Variants in PLGRKT observed in about 807,000 individuals in gnomAD.
PLGRKT encodes the protein plasminogen receptor with a C-terminal lysine.
Under a neutral mutation model 18.5 loss-of-function variants are expected in PLGRKT, and 22 were observed. The observed-to-expected ratio is 1.19, with a 90% CI of 0.85 to 1.70. The LOEUF (loss-of-function observed/expected upper bound fraction) is 1.70. PLGRKT is among the 40% of genes most tolerant of loss of function. The pLI is 0.00. For missense variants in PLGRKT, 235 were observed against 174.4 expected (o/e 1.35, Z -1.96); for synonymous variants, 72 against 52.8 (o/e 1.36, Z -1.58).
rs181726452 is a variant in PLGRKT, at chr9:5,420,130, G to A, written c.81+11767C>T. ...TGGAGGAAGCCAGACACAAAAGACT[G>A]CATATTCTATGATTTCATTTACAGA... On this transcript the variant is annotated intron_variant, in intron 3 of 5. Transcript: ENST00000223864. 1.5e-3 allele frequency among the ~76,000 whole-genome samples: 228 copies of A among 152,336 alleles called. 1 individual carries two copies. The highest frequency in any genetic ancestry group is 6.8e-3 in the Middle Eastern group (2 of 294).
chr9:5,406,704 T>G (rs1818264744), intron 3 of PLGRKT, among the ~76,000 whole-genome samples: 1 of 152,120 alleles, frequency 6.6e-6, no homozygotes, highest in Non-Finnish European at 1.5e-5. Context: ...CAAACCACCA[T>G]GGTACACGTT....
chr9:5,421,771 C>T (rs1396012546), intron 3 of PLGRKT, among the ~76,000 whole-genome samples: 1 of 152,182 alleles, frequency 6.6e-6, no homozygotes, highest in East Asian at 1.9e-4. Flanking sequence ...AAATGAGACA[C>T]AGGCAGGCTA....
Position 5,361,182 on chromosome 9 carries a change from A to C in PLGRKT, c.218T>G (p.Ile73Ser), listed in dbSNP as rs1292531899. 6.3e-6 allele frequency: 10 copies of C among 1,588,398 alleles called. No individual in the cohort carries two copies. The highest frequency in any genetic ancestry group is 8.6e-6 in the Non-Finnish European group (10 of 1,158,596). Residue 73 changes from isoleucine to serine, a missense_variant, in exon 5 of 6, where the codon ATT (isoleucine) becomes AGT (serine). Ile to Ser is a moderately radical substitution (Grantham distance 142). Coordinates refer to ENST00000223864, the MANE Select transcript of PLGRKT (RefSeq NM_018465.4). ...LAAISLTAGA[I>S]KKKKPAFLVP... is the part of the protein sequence containing the mutation. The stretch of plus-strand genomic sequence containing the variant: ...CAGGAAGGCTGGCTTCTTTTTTTTA[A>C]TCGCTCTGTTTCAAGAATTAAAAGA...
intron 3 of PLGRKT, among the ~76,000 whole-genome samples, chr9:5,431,302 G>C (rs746012572): frequency 5.3e-5 from 8 of 152,108 alleles, no homozygotes; most frequent in Non-Finnish European, 1.0e-4. Context: ...GGGAGGCTGA[G>C]GCCAGTAGAT....
intron 3 of PLGRKT, among the ~76,000 whole-genome samples, chr9:5,371,418 T>A (rs113712652): frequency 1.1e-4 from 17 of 152,232 alleles, no homozygotes; most frequent in African/African-American, 4.1e-4. Context: ...GGGGGCCAGT[T>A]TTTCCCATGC....
chr9:5,400,695 T>C (rs1818137776), intron 3 of PLGRKT, among the ~76,000 whole-genome samples: 1 of 152,040 alleles, frequency 6.6e-6, no homozygotes, highest in South Asian at 2.1e-4. Context: ...TTCATCTTTA[T>C]ATCCTCCTTG....
upstream of PLGRKT, chr9:5,438,004 C>T (rs962303237): frequency 2.0e-5 from 3 of 152,346 alleles, no homozygotes; most frequent in East Asian, 5.8e-4. Context: ...CCGGGCCAGG[C>T]TCAGTGTTAC....
At chr9:5,395,806 A>T (rs1818032914) in intron 3 of PLGRKT, among the ~76,000 whole-genome samples, 1 of 130,466 alleles carries the variant, frequency 7.7e-6, no homozygotes, top group Admixed American at 7.5e-5. Context: ...TCATGGAAAC[A>T]TTGACAAAAA....
At chr9:5,423,246 T>C (rs1818612049) in intron 3 of PLGRKT, among the ~76,000 whole-genome samples, 1 of 152,196 alleles carries the variant, frequency 6.6e-6, no homozygotes, top group Non-Finnish European at 1.5e-5. Flanking sequence ...GATTGTGCTG[T>C]TTACCAAAGT....
At chr9:5,371,809 T>C (rs1817522680) in intron 3 of PLGRKT, among the ~76,000 whole-genome samples, 1 of 151,986 alleles carries the variant, frequency 6.6e-6, no homozygotes, top group Admixed American at 6.6e-5. Flanking sequence ...TTCCTCATTT[T>C]AAAGAGTACA....
At chr9:5,367,053 A>ACG (rs1817407414) in intron 3 of PLGRKT, among the ~76,000 whole-genome samples, 1 of 149,900 alleles carries the variant, frequency 6.7e-6, no homozygotes, top group African/African-American at 2.4e-5. Context: ...ACACACACAC[A>ACG]CACACACACA....
At chr9:5,382,337 G>A (rs1420641315) in intron 3 of PLGRKT, among the ~76,000 whole-genome samples, 1 of 152,198 alleles carries the variant, frequency 6.6e-6, no homozygotes, top group Non-Finnish European at 1.5e-5. Flanking sequence ...TGGCAGGGCT[G>A]CCAGAGCTAG....
At chr9:5,367,778 A>G (rs1456438428) in intron 3 of PLGRKT, among the ~76,000 whole-genome samples, 2 of 152,152 alleles carry the variant, frequency 1.3e-5, no homozygotes, top group Non-Finnish European at 2.9e-5. Context: ...CCCAACAACA[A>G]CAAAACTATC....
chr9:5,367,851 C>T (rs961549004), intron 3 of PLGRKT, among the ~76,000 whole-genome samples: 1 of 152,056 alleles, frequency 6.6e-6, no homozygotes, highest in African/African-American at 2.4e-5. Context: ...TGACAAAGGT[C>T]TAGTATCCAG....
At chr9:5,385,653 G>A (rs764630054) in intron 3 of PLGRKT, among the ~76,000 whole-genome samples, 1 of 151,814 alleles carries the variant, frequency 6.6e-6, no homozygotes, top group Non-Finnish European at 1.5e-5. Context: ...GGTCTGCTGT[G>A]TGAAGTCTCA....
intron 3 of PLGRKT, among the ~76,000 whole-genome samples, chr9:5,419,662 G>A (rs926169034): frequency 6.6e-6 from 1 of 152,020 alleles, no homozygotes; most frequent in South Asian, 2.1e-4. Context: ...ACCAGAATGA[G>A]ATATATTTCA....
At chr9:5,375,178 T>A (rs931083626) in intron 3 of PLGRKT, among the ~76,000 whole-genome samples, 13 of 152,248 alleles carry the variant, frequency 8.5e-5, no homozygotes, top group African/African-American at 2.7e-4. Flanking sequence ...TAAGAAAAGA[T>A]GTACATTTTA....
At chr9:5,393,944 G>T (rs920177297) in intron 3 of PLGRKT, among the ~76,000 whole-genome samples, 8 of 151,760 alleles carry the variant, frequency 5.3e-5, no homozygotes, top group Admixed American at 2.6e-4. Flanking sequence ...CCAGATTTTT[G>T]ACCATCTGGG....
At chr9:5,385,819 A>G (rs953492944) in intron 3 of PLGRKT, among the ~76,000 whole-genome samples, 2 of 151,894 alleles carry the variant, frequency 1.3e-5, no homozygotes, top group Non-Finnish European at 2.9e-5. Context: ...CCTCCAGAAT[A>G]TATTTCCTAG....
Sources: gnomAD v4.1 joint callset for allele counts (sites outside exome capture counted in the v4.1 genomes callset) on GRCh38, gnomAD v4.1.1 for gene constraint, MANE v1.5 for transcripts, NCBI Gene and HGNC (gene_info 2026-07-23, HGNC 2026-07-21) for gene names.